MYO3B: variants seen among roughly 807,000 people sequenced by gnomAD.
MYO3B encodes myosin-IIIb.
Under a neutral mutation model 174.6 loss-of-function variants are expected in MYO3B, and 156 were observed. That is an observed-to-expected ratio of 0.89 (90% CI 0.78 to 1.02). The LOEUF (loss-of-function observed/expected upper bound fraction) is 1.02, where lower values mean the gene tolerates loss of function less well. Among genes scored for constraint, MYO3B ranks in the 50% least tolerant of loss-of-function variants. The pLI, the probability that MYO3B is intolerant of heterozygous loss-of-function variation, is 0.00. For missense variants in MYO3B, 1,632 were observed against 1,639.4 expected, an observed-to-expected ratio of 1.00 and a Z score of 0.08; for synonymous variants, 563 against 569.1, an observed-to-expected ratio of 0.99 and a Z score of 0.15.
chr2:170,417,627 C>G (rs2094589365), intron 22 of MYO3B, among the ~76,000 whole-genome samples: 11 of 152,174 alleles, frequency 7.2e-5, no homozygotes, highest in Admixed American at 7.2e-4. Context: ...GCGTTTGTTC[C>G]AGGCCTCTCT....
Position 170,278,131 on chromosome 2 carries a change from T to G in MYO3B, c.749+41995T>G, listed in dbSNP as rs528049396. Among the ~76,000 whole-genome samples the G allele has an allele frequency of 6.6e-5, 10 of 152,288 alleles. No homozygotes were observed. The East Asian group carries it at 1.7e-3, about 26-fold the overall frequency. ...AGTGGGCTTCCAGTGCACAAAGCATTATGATTATTTGGAGACAATCTGTAG... is the reference window on the plus strand; with the variant it reads ...AGTGGGCTTCCAGTGCACAAAGCATGATGATTATTTGGAGACAATCTGTAG... On this transcript the variant is annotated intron_variant, in intron 7 of 34. Transcript: ENST00000408978.
chr2:170,441,881 G>T (rs964893352), intron 22 of MYO3B, among the ~76,000 whole-genome samples: 1 of 152,140 alleles, frequency 6.6e-6, no homozygotes, highest in Non-Finnish European at 1.5e-5. Context: ...TGTTTTATCA[G>T]CAAGGTGTTT....
chr2:170,544,064 C>T, intron 32 of MYO3B, 76 bp downstream of exon 32: 1 of 1,202,668 alleles, frequency 8.3e-7, no homozygotes, highest in South Asian at 1.3e-5. Flanking sequence ...GTTGTTTGGG[C>T]AGGACTCAAT....
intron 30 of MYO3B, 51 bp from the exon 31 acceptor site, chr2:170,542,855 C>G: frequency 3.6e-6 from 5 of 1,389,168 alleles, no homozygotes; most frequent in Non-Finnish European, 5.0e-6. Flanking sequence ...CTAAGTTTTT[C>G]TATTATTATT....
intron 7 of MYO3B, among the ~76,000 whole-genome samples, chr2:170,311,002 G>A (rs2093735418): frequency 6.6e-6 from 1 of 152,148 alleles, no homozygotes; most frequent in Admixed American, 6.5e-5. Context: ...CATTCAGATG[G>A]TTGCGGGGCC....
intron 23 of MYO3B, among the ~76,000 whole-genome samples, chr2:170,447,583 G>A (rs1018566348): frequency 7.2e-5 from 11 of 152,170 alleles, no homozygotes; most frequent in African/African-American, 1.2e-4. Context: ...TACTGATACC[G>A]TGCTTTCAGA....
rs1254470680 is a variant in MYO3B, at chr2:170,654,966, G to A, written c.*1845G>A. ...TGTGTAGAATATATAAATTTTTTAT[G>A]TTACTGTTAATATACGAGTGCTTTT... is the stretch of plus-strand genomic sequence containing the variant. On this transcript the variant is annotated 3_prime_UTR_variant, in exon 35 of 35. Coordinates refer to ENST00000408978, the MANE Select transcript of MYO3B (RefSeq NM_138995.5). 1 of 151,990 alleles carries A rather than the reference G, an allele frequency of 6.6e-6. No individual in the cohort carries two copies. The highest frequency in any genetic ancestry group is 1.9e-4 in the East Asian group (1 of 5,200). The allele number at this position is 151,990 out of a possible 1,614,324, so 9.4% of individuals were successfully genotyped here. A position where few individuals can be genotyped will look rare whatever the true frequency, so the allele number is the denominator to read the frequency against.
intron 32 of MYO3B, among the ~76,000 whole-genome samples, chr2:170,615,767 G>A (rs1575253635): frequency 6.6e-6 from 1 of 152,176 alleles, no homozygotes; most frequent in East Asian, 1.9e-4. Context: ...AGTGAAAGCT[G>A]GGTCCAGGGG....
At chr2:170,374,114 C>G (rs2094269996) in intron 9 of MYO3B, among the ~76,000 whole-genome samples, 2 of 152,210 alleles carry the variant, frequency 1.3e-5, no homozygotes, top group Non-Finnish European at 2.9e-5. Flanking sequence ...CCGCCTTTCT[C>G]ATCTGTCATC....
chr2:170,317,352 A>C (rs974011298), intron 7 of MYO3B, among the ~76,000 whole-genome samples: 1 of 152,218 alleles, frequency 6.6e-6, no homozygotes, highest in African/African-American at 2.4e-5. Flanking sequence ...CGAACTTGTT[A>C]AAATGCAGAT....
intron 25 of MYO3B, among the ~76,000 whole-genome samples, chr2:170,467,195 A>G (rs533310910): frequency 6.6e-6 from 1 of 152,320 alleles, no homozygotes; most frequent in South Asian, 2.1e-4. Flanking sequence ...CCTATAAGCT[A>G]GACTCTATTA....
chr2:170,292,763 C>T (rs1335092665), intron 7 of MYO3B, among the ~76,000 whole-genome samples: 1 of 152,114 alleles, frequency 6.6e-6, no homozygotes, highest in Admixed American at 6.5e-5. Flanking sequence ...ATTGTACCTT[C>T]TACAATGTGA....
chr2:170,585,950 TGGGAGGCTGAGGCAGGCCA>T lies in MYO3B; in HGVS notation c.3733+41966_3733+41984del, dbSNP rs1559137840. 3.3e-5 allele frequency among the ~76,000 whole-genome samples: 5 copies of T among 152,238 alleles called. No individual in the cohort carries two copies. The South Asian group carries it at 1.0e-3, about 32-fold the overall frequency. ...GCGCGTGCCTGTAGTCCCAGCTACT[TGGGAGGCTGAGGCAGGCCA>T]GGGGGAGGTTGCATTCCAGCCTGGG... On this transcript the variant is annotated intron_variant, in intron 32 of 34. Coordinates refer to ENST00000408978, the MANE Select transcript of MYO3B (RefSeq NM_138995.5).
intron 26 of MYO3B, 128 bp from the exon 27 acceptor site, chr2:170,499,518 C>T (rs1687086736): frequency 2.4e-6 from 2 of 847,990 alleles, no homozygotes; most frequent in Admixed American, 2.7e-5. Context: ...GTAATGTGAG[C>T]ATAAGTCACA....
chr2:170,243,859 A>C (rs2093161974), intron 7 of MYO3B, among the ~76,000 whole-genome samples: 1 of 152,170 alleles, frequency 6.6e-6, no homozygotes. Flanking sequence ...TGAAGTCCCT[A>C]CTACTTACAT....
At chr2:170,567,614 G>T (rs1249237706) in intron 32 of MYO3B, among the ~76,000 whole-genome samples, 2 of 152,160 alleles carry the variant, frequency 1.3e-5, no homozygotes, top group Non-Finnish European at 2.9e-5. Context: ...TCAGTCTTTG[G>T]CTGAAGTTGG....
At chr2:170,376,272 T>A (rs1480537024) in intron 9 of MYO3B, among the ~76,000 whole-genome samples, 2 of 152,212 alleles carry the variant, frequency 1.3e-5, no homozygotes, top group Non-Finnish European at 2.9e-5. Flanking sequence ...ATAATGTCAT[T>A]CCTCAAAGGT....
chr2:170,588,274 A>C (rs1437996373), intron 32 of MYO3B, among the ~76,000 whole-genome samples: 1 of 152,110 alleles, frequency 6.6e-6, no homozygotes, highest in South Asian at 2.1e-4. Context: ...TCTATACAAA[A>C]AAAAGAAAAA....
At chr2:170,214,316 T>TTTTTC in intron 3 of MYO3B, 63 bp from the exon 4 acceptor site, 1 of 1,402,756 alleles carries the variant, frequency 7.1e-7, no homozygotes. Flanking sequence ...TCTTAATTTC[T>TTTTTC]TTTTCTTTTC....
Sources: gnomAD v4.1 joint callset for allele counts (sites outside exome capture counted in the v4.1 genomes callset) on GRCh38, gnomAD v4.1.1 for gene constraint, MANE v1.5 for transcripts, NCBI Gene and HGNC (gene_info 2026-07-23, HGNC 2026-07-21) for gene names.